SQOR: variants seen among roughly 807,000 people sequenced by gnomAD.
The protein encoded by SQOR is sulfide:quinone oxidoreductase, mitochondrial.
In SQOR, 39 loss-of-function variants were observed where a neutral mutation model predicts 48.6. That is an observed-to-expected ratio of 0.80 (90% CI 0.62 to 1.05). The LOEUF (loss-of-function observed/expected upper bound fraction) is 1.05. Among genes scored for constraint, SQOR ranks in the 50% least tolerant of loss-of-function variants. The pLI is 0.00. For synonymous variants in SQOR, 220 were observed against 206.2 expected (o/e 1.07, Z -0.57); for missense variants, 561 against 559.9 (o/e 1.00, Z -0.02).
At chr15:45,643,632 C>CTCCTAATAAAAAT (rs1295908603) in intron 1 of SQOR, among the ~76,000 whole-genome samples, 7 of 152,188 alleles carry the variant, frequency 4.6e-5, no homozygotes, top group African/African-American at 1.7e-4. Context: ...GGTAAAAATT[C>CTCCTAATAAAAAT]TCCTAATAAA....
At chr15:45,634,706 T>A (rs1894964447), upstream of SQOR, 1 of 152,264 alleles carries the variant, frequency 6.6e-6, no homozygotes, top group Non-Finnish European at 1.5e-5. Context: ...TTGCCTGCCC[T>A]GATTACAAAA....
In SQOR at chr15:45,667,493, C is replaced by T. The variant is rs538317138; in HGVS notation, c.406-2435C>T. Among the ~76,000 whole-genome samples the T allele has an allele frequency of 3.0e-4, 46 of 152,204 alleles. No homozygotes were observed. In the South Asian group the frequency reaches 3.1e-3, roughly 10 times the overall value. On this transcript the variant is annotated intron_variant, in intron 3 of 9. Coordinates refer to ENST00000260324, the MANE Select transcript of SQOR (RefSeq NM_021199.4). ...GTCTACACTGTTGTGCGTAACTGCT[C>T]AAAAGTCTTGTCTATAAGCTTTTGC...
chr15:45,633,075 A>T (rs533379430), upstream of SQOR, among the ~76,000 whole-genome samples: 3 of 152,096 alleles, frequency 2.0e-5, no homozygotes, highest in South Asian at 6.2e-4. Flanking sequence ...GGAAGCTGTT[A>T]TCGCACCATT....
chr15:45,673,903 C>A (rs16946821), intron 5 of SQOR, 102 bp downstream of exon 5: 5 of 1,161,038 alleles, frequency 4.3e-6, no homozygotes, highest in East Asian at 5.1e-5. Context: ...TTTTTTATCT[C>A]GGAATTTTTA....
intron 3 of SQOR, among the ~76,000 whole-genome samples, chr15:45,665,206 C>G (rs1254740513): frequency 6.6e-6 from 1 of 152,200 alleles, no homozygotes; most frequent in Non-Finnish European, 1.5e-5. Flanking sequence ...CTACCTATTA[C>G]TCCTAAGGTT....
chr15:45,649,604 T>G (rs564874945), intron 1 of SQOR, among the ~76,000 whole-genome samples: 1 of 151,948 alleles, frequency 6.6e-6, no homozygotes, highest in Non-Finnish European at 1.5e-5. Context: ...CTCAGCCTCC[T>G]GAGTAGCTGG....
At chr15:45,660,474 A>G (rs8037492) in intron 2 of SQOR, among the ~76,000 whole-genome samples, 221 of 152,304 alleles carry the variant, frequency 1.5e-3, no homozygotes, top group African/African-American at 5.2e-3. Flanking sequence ...TCTCCCAGTC[A>G]GGCTTCTCTT....
intron 1 of SQOR, among the ~76,000 whole-genome samples, chr15:45,650,493 T>C (rs546614198): frequency 7.2e-5 from 11 of 152,272 alleles, no homozygotes; most frequent in African/African-American, 2.4e-4. Flanking sequence ...CAGTGTGGAC[T>C]CAAAGAGCGA....
chr15:45,654,204 C>G (rs1168373435), intron 1 of SQOR, among the ~76,000 whole-genome samples: 1 of 151,818 alleles, frequency 6.6e-6, no homozygotes, highest in Non-Finnish European at 1.5e-5. Flanking sequence ...TTGCATCATG[C>G]TCCACCTTCT....
chr15:45,674,995 G>A (rs1890011500), intron 5 of SQOR, among the ~76,000 whole-genome samples: 1 of 152,158 alleles, frequency 6.6e-6, no homozygotes, highest in Admixed American at 6.5e-5. Flanking sequence ...TCTGTAAACT[G>A]CAACAACCCT....
intron 3 of SQOR, among the ~76,000 whole-genome samples, chr15:45,667,619 T>C (rs1239278104): frequency 6.6e-6 from 1 of 152,204 alleles, no homozygotes; most frequent in African/African-American, 2.4e-5. Context: ...TTATTCTCTC[T>C]TAATGATTTT....
chr15:45,663,947 T>G (rs1270247024), intron 3 of SQOR, among the ~76,000 whole-genome samples: 1 of 152,178 alleles, frequency 6.6e-6, no homozygotes, highest in Non-Finnish European at 1.5e-5. Context: ...CACAAATTCT[T>G]ATTGAACTGG....
In SQOR at chr15:45,659,009, C is replaced by G; in HGVS notation, c.86C>G (p.Pro29Arg). Residue 29 changes from proline to arginine, a missense_variant, in exon 2 of 10, where the codon CCC (proline) becomes CGC (arginine). Transcript: ENST00000260324. ...LLRLGTQQVG[P>R]LQLHTGASHA... The stretch of plus-strand genomic sequence containing the variant: ...AGGCTGGGCACTCAGCAGGTCGGCC[C>G]CCTTCAGCTGCACACCGGGGCCAGC... 1 of 1,603,784 alleles carries G rather than the reference C, an allele frequency of 6.2e-7. No homozygotes were observed. The highest frequency in any genetic ancestry group is 8.5e-7 in the Non-Finnish European group (1 of 1,175,414).
At chr15:45,652,835 G>C (rs1889520628) in intron 1 of SQOR, among the ~76,000 whole-genome samples, 1 of 151,558 alleles carries the variant, frequency 6.6e-6, no homozygotes, top group Non-Finnish European at 1.5e-5. Context: ...GGTAGGTGTG[G>C]TGGCAGGCAC....
intron 3 of SQOR, among the ~76,000 whole-genome samples, chr15:45,662,892 T>G (rs1216671338): frequency 6.6e-6 from 1 of 152,228 alleles, no homozygotes; most frequent in Non-Finnish European, 1.5e-5. Flanking sequence ...TTATTGGTCT[T>G]AATCCTCTGC....
intron 7 of SQOR, among the ~76,000 whole-genome samples, chr15:45,686,297 A>AC (rs929187450): frequency 1.3e-5 from 2 of 152,056 alleles, no homozygotes; most frequent in African/African-American, 4.8e-5. Flanking sequence ...GATTATAGGC[A>AC]CCTGCCACCA....
chr15:45,690,800 A>G (rs989744071), intron 9 of SQOR, among the ~76,000 whole-genome samples, 173 bp from the exon 10 acceptor site: 4 of 152,206 alleles, frequency 2.6e-5, no homozygotes, highest in Non-Finnish European at 4.4e-5. Flanking sequence ...TTAGGAATGG[A>G]AGTAGGTTGT....
upstream of SQOR, among the ~76,000 whole-genome samples, chr15:45,634,413 A>T (rs1189651765): frequency 6.6e-6 from 1 of 151,688 alleles, no homozygotes; most frequent in South Asian, 2.1e-4. Flanking sequence ...GAGACTTTAC[A>T]TCAACCTGGA....
intron 1 of SQOR, among the ~76,000 whole-genome samples, chr15:45,646,650 T>G (rs1889345863): frequency 6.6e-6 from 1 of 152,226 alleles, no homozygotes; most frequent in Admixed American, 6.5e-5. Flanking sequence ...TGACATAGTT[T>G]TTTTAAATTT....
Sources: allele counts gnomAD v4.1 joint callset (sites outside exome capture counted in the v4.1 genomes callset), GRCh38; gene constraint gnomAD v4.1.1; transcripts MANE v1.5; gene names NCBI Gene and HGNC (gene_info 2026-07-23, HGNC 2026-07-21).